The following GLDN variants were observed in gnomAD, a reference collection of about 807,000 sequenced individuals.
The protein encoded by GLDN is gliomedin.
GLDN carries 47 observed loss-of-function variants against 56.5 expected under a neutral mutation model. That is an observed-to-expected ratio of 0.83 (90% CI 0.66 to 1.06). The LOEUF is 1.06. Ranked by LOEUF, GLDN falls within the 50% of genes least tolerant of loss-of-function variation. The pLI is 0.00. For missense variants in GLDN, 782 were observed against 714.3 expected, an observed-to-expected ratio of 1.09 and a Z score of -1.08; for synonymous variants, 332 against 278.8, an observed-to-expected ratio of 1.19 and a Z score of -1.90.
At chr15:51,363,439 A>C (rs1290680724) in intron 1 of GLDN, among the ~76,000 whole-genome samples, 1 of 152,220 alleles carries the variant, frequency 6.6e-6, no homozygotes, top group African/African-American at 2.4e-5. Context: ...CTTCTAAATC[A>C]GTGAAAAATA....
At chr15:51,371,533 T>C (rs1023078825) in intron 1 of GLDN, among the ~76,000 whole-genome samples, 1 of 152,212 alleles carries the variant, frequency 6.6e-6, no homozygotes, top group Non-Finnish European at 1.5e-5. Context: ...GCTAATCCAA[T>C]GAGAATAGTT....
intron 1 of GLDN, among the ~76,000 whole-genome samples, chr15:51,372,100 A>T (rs1465058443): frequency 6.6e-6 from 1 of 152,224 alleles, no homozygotes; most frequent in African/African-American, 2.4e-5. Flanking sequence ...GAGACAGAGC[A>T]TCACATAGCA....
chr15:51,353,840 A>G (rs1235850509), intron 1 of GLDN, among the ~76,000 whole-genome samples: 1 of 151,520 alleles, frequency 6.6e-6, no homozygotes, highest in East Asian at 1.9e-4. Context: ...TTCTTGGCCA[A>G]ATCTACTTGA....
chr15:51,411,025 C>T (rs374269029), downstream of GLDN, among the ~76,000 whole-genome samples: 2 of 152,026 alleles, frequency 1.3e-5, no homozygotes, highest in African/African-American at 2.4e-5. Context: ...CATGGTATAG[C>T]GGTAGAAAGG....
At chr15:51,411,224 C>T (rs541998272), downstream of GLDN, among the ~76,000 whole-genome samples, 2 of 152,244 alleles carry the variant, frequency 1.3e-5, no homozygotes, top group East Asian at 1.9e-4. Flanking sequence ...CCGCTCCTTA[C>T]ACCTCCAGCT....
At chr15:51,373,356 C>T (rs535014240) in intron 1 of GLDN, among the ~76,000 whole-genome samples, 17 of 152,314 alleles carry the variant, frequency 1.1e-4, no homozygotes, top group African/African-American at 2.9e-4. Flanking sequence ...CTGAGAGTTT[C>T]GCATCCCTCA....
At chr15:51,388,357 C>T (rs755445491) in intron 4 of GLDN, among the ~76,000 whole-genome samples, 8 of 152,122 alleles carry the variant, frequency 5.3e-5, no homozygotes, top group Non-Finnish European at 1.2e-4. Flanking sequence ...GTGTGACCTC[C>T]CAAGTGGAAT....
At chr15:51,357,044 G>T (rs1435729037) in intron 1 of GLDN, among the ~76,000 whole-genome samples, 1 of 152,146 alleles carries the variant, frequency 6.6e-6, no homozygotes, top group African/African-American at 2.4e-5. Flanking sequence ...ATAGTTAATG[G>T]GGACTAAAAA....
At chr15:51,354,887 C>T (rs1362758871) in intron 1 of GLDN, among the ~76,000 whole-genome samples, 1 of 152,164 alleles carries the variant, frequency 6.6e-6, no homozygotes, top group East Asian at 1.9e-4. Context: ...AAGACTGAAG[C>T]AAGAAGAAAG....
intron 1 of GLDN, among the ~76,000 whole-genome samples, chr15:51,368,477 G>A (rs555022292): frequency 2.6e-5 from 4 of 152,062 alleles, no homozygotes; most frequent in East Asian, 3.9e-4. Flanking sequence ...GGCAGAAGAT[G>A]GCTGGACAGG....
chr15:51,364,071 T>A (rs1397792361), intron 1 of GLDN, among the ~76,000 whole-genome samples: 1 of 152,192 alleles, frequency 6.6e-6, no homozygotes, highest in African/African-American at 2.4e-5. Context: ...TTCTTCATGT[T>A]TCTTGTCTCT....
rs547246487 is a variant in GLDN at position 51,355,737 on chromosome 15, A to C, written c.363+13690A>C. On this transcript the variant is annotated intron_variant, in intron 1 of 9. Coordinates refer to ENST00000335449, the MANE Select transcript of GLDN (RefSeq NM_181789.4). ...ACGGGGTTTCACCGTGTTAGCCGGG[A>C]TGGTCTTGATCTCCTGACTTTGTGA... Among the ~76,000 whole-genome samples the C allele has an allele frequency of 6.5e-4, 97 of 148,526 alleles. 1 individual carries two copies. The highest frequency in any genetic ancestry group is 2.4e-3 in the African/African-American group (97 of 40,642).
At chr15:51,343,813 T>G (rs1421886577) in intron 1 of GLDN, among the ~76,000 whole-genome samples, 1 of 152,188 alleles carries the variant, frequency 6.6e-6, no homozygotes, top group Non-Finnish European at 1.5e-5. Flanking sequence ...AGGAATCAGC[T>G]GGAAGCATAT....
At position 51,377,451 on chromosome 15, in the gene GLDN, C is replaced by A. The variant is rs760234993; in HGVS notation, c.366C>A (p.Ile122=). 1 of 1,613,888 alleles carries A rather than the reference C, an allele frequency of 6.2e-7. No individual in the cohort carries two copies. Among genetic ancestry groups the A allele is most frequent in the Non-Finnish European group, 8.5e-7 (1 of 1,179,798 alleles). Residue 122 remains isoleucine, a splice_region_variant and synonymous_variant, in exon 2 of 10, where the codon ATC becomes ATA. Transcript: ENST00000335449. ...TGATGACCCTCTCTCCCCTGCAGAT[C>A]CGAGTGATGGTGGACCTGTGCAACA... ...LMMMTYSMVP[I]RVMVDLCNST... is the part of the protein sequence containing the mutation.
chr15:51,385,962 C>T (rs1313969059), intron 4 of GLDN, among the ~76,000 whole-genome samples: 3 of 152,096 alleles, frequency 2.0e-5, no homozygotes, highest in African/African-American at 7.2e-5. Context: ...CTATGCCTGA[C>T]ATATGGATGA....
intron 4 of GLDN, among the ~76,000 whole-genome samples, chr15:51,391,209 G>A (rs1044824763): frequency 2.0e-5 from 3 of 152,030 alleles, no homozygotes; most frequent in Admixed American, 2.0e-4. Flanking sequence ...GCCTTGAATA[G>A]TGTTAAATAC....
chr15:51,342,032 C>T lies in GLDN; in HGVS notation c.348C>T (p.Thr116=). The T allele has an allele frequency of 6.3e-7, 1 of 1,594,916 alleles. No individual in the cohort carries two copies. The highest frequency in any genetic ancestry group is 8.5e-7 in the Non-Finnish European group (1 of 1,178,226). Residue 116 remains threonine (T), a synonymous_variant, in exon 1 of 10, where the codon ACC becomes ACT. Transcript: ENST00000335449. ...AESHDMLMMM[T]YSMVPIRVMV... is the part of the protein sequence containing the mutation. ...GCCATGACATGCTGATGATGATGAC[C>T]TACTCCATGGTGCCGGTAGGCGGGG...
At chr15:51,403,462 C>A (rs1271180459) in intron 9 of GLDN, among the ~76,000 whole-genome samples, 1 of 152,180 alleles carries the variant, frequency 6.6e-6, no homozygotes, top group African/African-American at 2.4e-5. Context: ...CTCAGTGGCA[C>A]CCTCTGGTGT....
chr15:51,353,990 C>T (rs2037128224), intron 1 of GLDN, among the ~76,000 whole-genome samples: 1 of 152,108 alleles, frequency 6.6e-6, no homozygotes, highest in African/African-American at 2.4e-5. Flanking sequence ...AGATCTTTAA[C>T]AGCTCTATAC....
Sources: allele counts gnomAD v4.1 joint callset (sites outside exome capture counted in the v4.1 genomes callset), GRCh38; gene constraint gnomAD v4.1.1; transcripts MANE v1.5; gene names NCBI Gene and HGNC (gene_info 2026-07-23, HGNC 2026-07-21).